Variants in WWOX observed in about 807,000 individuals in gnomAD.
WWOX encodes the protein WW domain-containing oxidoreductase.
A neutral mutation model predicts 46.2 loss-of-function variants in WWOX; 69 were observed. The observed-to-expected ratio is 1.49, with a 90% CI of 1.23 to 1.82. WWOX has a LOEUF of 1.82. WWOX is among the 40% of genes most tolerant of loss of function. WWOX has a pLI of 0.00. For synonymous variants in WWOX, 359 were observed against 202.6 expected, an observed-to-expected ratio of 1.77 and a Z score of -6.56; for missense variants, 919 against 542.6, an observed-to-expected ratio of 1.69 and a Z score of -6.89.
At chr16:79,139,500 G>A (rs554934870) in intron 8 of WWOX, among the ~76,000 whole-genome samples, 71 of 152,266 alleles carry the variant, frequency 4.7e-4, no homozygotes, top group African/African-American at 1.7e-3. Flanking sequence ...AAAAAGATTT[G>A]TCCATCATTT....
At chr16:78,498,807 C>G (rs1015570686) in intron 8 of WWOX, among the ~76,000 whole-genome samples, 1 of 152,188 alleles carries the variant, frequency 6.6e-6, no homozygotes, top group Non-Finnish European at 1.5e-5. Flanking sequence ...TTCAAGTAGT[C>G]TTCCTGCCTT....
intron 8 of WWOX, among the ~76,000 whole-genome samples, chr16:78,481,732 T>TGC (rs2084493588): frequency 7.5e-6 from 1 of 133,592 alleles, no homozygotes; most frequent in Admixed American, 7.0e-5. Flanking sequence ...GAAGTGTGTG[T>TGC]GTGTGTGTGT....
At chr16:78,665,414 T>C (rs1203155761) in intron 8 of WWOX, among the ~76,000 whole-genome samples, 1 of 152,164 alleles carries the variant, frequency 6.6e-6, no homozygotes, top group Non-Finnish European at 1.5e-5. Context: ...ATATAACTAT[T>C]GAGTTTTCCC....
chr16:78,662,002 C>G (rs571462845), intron 8 of WWOX, among the ~76,000 whole-genome samples: 1 of 152,250 alleles, frequency 6.6e-6, no homozygotes, highest in African/African-American at 2.4e-5. Context: ...CGAGATTGTG[C>G]CACTGCACTC....
At chr16:78,508,800 G>A (rs1056167991) in intron 8 of WWOX, among the ~76,000 whole-genome samples, 3 of 152,312 alleles carry the variant, frequency 2.0e-5, no homozygotes, top group East Asian at 3.9e-4. Context: ...CTGATCTGGT[G>A]GCTGGGGTGC....
intron 8 of WWOX, among the ~76,000 whole-genome samples, chr16:78,671,989 C>T (rs182545040): frequency 1.2e-3 from 183 of 152,140 alleles, no homozygotes; most frequent in African/African-American, 4.1e-3. Flanking sequence ...CAGTCTACTA[C>T]GCAAAAGCAG....
At chr16:78,670,708 T>A (rs923966648) in intron 8 of WWOX, among the ~76,000 whole-genome samples, 1 of 152,090 alleles carries the variant, frequency 6.6e-6, no homozygotes, top group Admixed American at 6.6e-5. Context: ...GATAGAGTCT[T>A]GCCATCTTGC....
intron 8 of WWOX, among the ~76,000 whole-genome samples, chr16:79,009,493 A>C (rs1307165798): frequency 6.6e-6 from 1 of 151,050 alleles, no homozygotes; most frequent in African/African-American, 2.4e-5. Flanking sequence ...TTTTAGATGG[A>C]CTTTCGCTGT....
At chr16:78,227,813 G>A (rs1183509571) in intron 5 of WWOX, among the ~76,000 whole-genome samples, 1 of 152,166 alleles carries the variant, frequency 6.6e-6, no homozygotes, top group Non-Finnish European at 1.5e-5. Flanking sequence ...GGAGGCGGAG[G>A]TTGCAGTGAG....
At chr16:78,474,359 C>T (rs573311283) in intron 8 of WWOX, among the ~76,000 whole-genome samples, 23 of 152,338 alleles carry the variant, frequency 1.5e-4, no homozygotes, top group Non-Finnish European at 2.6e-4. Flanking sequence ...TATGTTTGCA[C>T]ATCTTACCCC....
intron 8 of WWOX, among the ~76,000 whole-genome samples, chr16:78,574,748 C>T (rs193006256): frequency 6.6e-6 from 1 of 151,108 alleles, no homozygotes; most frequent in East Asian, 2.0e-4. Flanking sequence ...TCTGAAAAAA[C>T]CAAGCTCATA....
chr16:78,477,045 A>G (rs893561661), intron 8 of WWOX, among the ~76,000 whole-genome samples: 5 of 152,268 alleles, frequency 3.3e-5, no homozygotes, highest in Admixed American at 3.3e-4. Flanking sequence ...TACATTTAAC[A>G]CAATCTTGAA....
At chr16:78,369,534 C>A (rs1394645484) in intron 5 of WWOX, among the ~76,000 whole-genome samples, 1 of 152,138 alleles carries the variant, frequency 6.6e-6, no homozygotes, top group Non-Finnish European at 1.5e-5. Flanking sequence ...GCTCACTCGG[C>A]CTGCGCTGGC....
chr16:78,141,328 A>G (rs1417258785), intron 4 of WWOX, among the ~76,000 whole-genome samples: 2 of 152,180 alleles, frequency 1.3e-5, no homozygotes, highest in African/African-American at 2.4e-5. Flanking sequence ...CAAGTATACA[A>G]CACTTCTGTT....
At chr16:78,648,673 C>G (rs2046899444) in intron 8 of WWOX, among the ~76,000 whole-genome samples, 1 of 152,146 alleles carries the variant, frequency 6.6e-6, no homozygotes, top group Non-Finnish European at 1.5e-5. Context: ...GTCTAGGGAG[C>G]CCACCTCCGG....
chr16:79,170,155 G>T (rs1194886167), intron 8 of WWOX, among the ~76,000 whole-genome samples: 1 of 152,188 alleles, frequency 6.6e-6, no homozygotes, highest in African/African-American at 2.4e-5. Context: ...CAATAACCCA[G>T]TCTAACCATG....
intron 5 of WWOX, among the ~76,000 whole-genome samples, chr16:78,357,669 A>G (rs1386406412): frequency 1.3e-5 from 2 of 152,172 alleles, no homozygotes; most frequent in Non-Finnish European, 2.9e-5. Context: ...CATTGTTAGG[A>G]TGGTTATTAT....
chr16:79,135,593 A>C (rs140542576), intron 8 of WWOX, among the ~76,000 whole-genome samples: 1 of 152,228 alleles, frequency 6.6e-6, no homozygotes, highest in Non-Finnish European at 1.5e-5. Flanking sequence ...GTATATTCCT[A>C]GAAATTCAAT....
chr16:78,855,489 T>C (rs997804307), intron 8 of WWOX, among the ~76,000 whole-genome samples: 3 of 152,202 alleles, frequency 2.0e-5, no homozygotes, highest in African/African-American at 7.2e-5. Context: ...GCAGAAACTT[T>C]GGCGAAACTG....
Sources: allele counts gnomAD v4.1 joint callset (sites outside exome capture counted in the v4.1 genomes callset), GRCh38; gene constraint gnomAD v4.1.1; transcripts MANE v1.5; gene names NCBI Gene and HGNC (gene_info 2026-07-23, HGNC 2026-07-21).